CDCP1: variants seen among roughly 807,000 people sequenced by gnomAD.
The protein encoded by CDCP1 is CUB domain containing protein 1.
A neutral mutation model predicts 60.2 loss-of-function variants in CDCP1; 29 were observed. The ratio of observed to expected loss-of-function variants is 0.48; its 90% CI spans 0.36 to 0.66. CDCP1 has a LOEUF of 0.66. Ranked by LOEUF, CDCP1 falls within the 30% of genes least tolerant of loss-of-function variation. The pLI is 0.00. For missense variants in CDCP1, 876 were observed against 1,074.3 expected, an observed-to-expected ratio of 0.82 and a Z score of 2.58; for synonymous variants, 387 against 431.1, an observed-to-expected ratio of 0.90 and a Z score of 1.27.
intron 4 of CDCP1, among the ~76,000 whole-genome samples, chr3:45,096,759 C>T (rs767950708): frequency 2.0e-5 from 3 of 150,104 alleles, no homozygotes; most frequent in Non-Finnish European, 4.4e-5. Context: ...AACAAAATAG[C>T]TATTTATATA....
At chr3:45,098,094 G>A (rs766071503) in intron 4 of CDCP1, among the ~76,000 whole-genome samples, 1 of 151,684 alleles carries the variant, frequency 6.6e-6, no homozygotes, top group Non-Finnish European at 1.5e-5. Flanking sequence ...CCAAGGCCCC[G>A]CCACACACTG....
At position 45,084,965 on chromosome 3, in the gene CDCP1, C is replaced by T. The variant is rs1017077438; in HGVS notation, c.*673G>A. The T allele has an allele frequency of 6.6e-6, 1 of 152,630 alleles. No homozygotes were observed. Among genetic ancestry groups the T allele is most frequent in the African/African-American group, 2.4e-5 (1 of 41,456 alleles). The allele number at this position is 152,630 out of a possible 1,614,324, so 9.5% of individuals were successfully genotyped here. A position where few individuals can be genotyped will look rare whatever the true frequency, so the allele number is the denominator to read the frequency against. On this transcript the variant is annotated 3_prime_UTR_variant, in exon 9 of 9. Coordinates refer to ENST00000296129, the MANE Select transcript of CDCP1 (RefSeq NM_022842.5). The stretch of plus-strand genomic sequence containing the variant: ...GAACCGACCTAGAGAATCAGGAAGT[C>T]TCTTATCAAAGCAGATATGTGTCAA...
chr3:45,138,057 G>A (rs899415268), intron 1 of CDCP1, among the ~76,000 whole-genome samples: 1 of 152,188 alleles, frequency 6.6e-6, no homozygotes, highest in African/African-American at 2.4e-5. Flanking sequence ...GAAGATAGCT[G>A]CAATCCCCAG....
chr3:45,099,896 G>C (rs972302182), intron 4 of CDCP1, among the ~76,000 whole-genome samples: 4 of 152,076 alleles, frequency 2.6e-5, no homozygotes, highest in African/African-American at 9.7e-5. Context: ...TGAGAGTCTT[G>C]ATAGCTGATT....
chr3:45,138,040 C>G (rs76896245), intron 1 of CDCP1, among the ~76,000 whole-genome samples: 3,042 of 152,244 alleles, frequency 0.02, 93 homozygotes, highest in African/African-American at 0.067. Context: ...TAATAACACC[C>G]GGTCATGAAG....
In CDCP1 at chr3:45,089,106, C is replaced by A; in HGVS notation, c.2029G>T (p.Gly677Ter). ...TVILIAAVGG[G>*]VLLLSALGLI... ...CCGAGGGCAGACAGCAGTAAGACTC[C>A]ACCTCCCACCGCTGCGATGAGGATG... Residue 677 changes from glycine to a stop codon, truncating the protein, a stop_gained, in exon 8 of 9, where the codon GGA becomes TGA. Coordinates refer to ENST00000296129, the MANE Select transcript of CDCP1 (RefSeq NM_022842.5). LOFTEE classifies it high-confidence loss of function. 1 of 1,614,102 alleles carries A rather than the reference C, an allele frequency of 6.2e-7. No individual in the cohort carries two copies. Among genetic ancestry groups the A allele is most frequent in the Non-Finnish European group, 8.5e-7 (1 of 1,179,998 alleles).
chr3:45,116,239 T>TAAAA (rs59177609), intron 2 of CDCP1, among the ~76,000 whole-genome samples: 2 of 144,490 alleles, frequency 1.4e-5, no homozygotes, highest in East Asian at 2.0e-4. Context: ...ACTGTTCTGT[T>TAAAA]AAAAAAAAAA....
At chr3:45,132,475 C>T (rs896949628) in intron 1 of CDCP1, among the ~76,000 whole-genome samples, 2 of 152,170 alleles carry the variant, frequency 1.3e-5, no homozygotes, top group African/African-American at 4.8e-5. Flanking sequence ...CAGCCTGCAG[C>T]TTTGAAAATC....
At chr3:45,110,992 G>A in intron 3 of CDCP1, 151 bp from the exon 4 acceptor site, 2 of 885,238 alleles carry the variant, frequency 2.3e-6, no homozygotes, top group Non-Finnish European at 3.4e-6. Flanking sequence ...TGGACTCAAG[G>A]CAGAGATTGG....
intron 1 of CDCP1, among the ~76,000 whole-genome samples, chr3:45,119,492 G>T (rs1310310585): frequency 6.6e-6 from 1 of 152,176 alleles, no homozygotes; most frequent in Non-Finnish European, 1.5e-5. Flanking sequence ...GCAGATGATG[G>T]GAAGATCGTC....
chr3:45,122,229 C>T (rs545387944), intron 1 of CDCP1, among the ~76,000 whole-genome samples: 7 of 151,450 alleles, frequency 4.6e-5, no homozygotes, highest in East Asian at 1.9e-4. Flanking sequence ...CTGCAACCTC[C>T]GCCTCCTGGG....
intron 7 of CDCP1, among the ~76,000 whole-genome samples, chr3:45,089,492 G>A (rs2125989221): frequency 6.6e-6 from 1 of 152,200 alleles, no homozygotes; most frequent in East Asian, 1.9e-4. Context: ...GATTCCACCG[G>A]GGAAAAAAAT....
chr3:45,096,854 G>A (rs2372859), intron 4 of CDCP1, among the ~76,000 whole-genome samples: 103,235 of 151,856 alleles, frequency 0.68, 36,024 homozygotes, highest in East Asian at 0.95. Context: ...CCAGAGGAGG[G>A]GCCTGGGAGT....
At chr3:45,133,642 C>T (rs1432127211) in intron 1 of CDCP1, among the ~76,000 whole-genome samples, 1 of 27,924 alleles carries the variant, frequency 3.6e-5, no homozygotes, top group Admixed American at 4.1e-4. Flanking sequence ...GGCGTGAACC[C>T]GGGAGGCGGA....
rs761287588 is a variant in CDCP1 at position 45,085,925 on chromosome 3, C to T, written c.2224G>A (p.Val742Ile). The change falls in exon 9 of 9, where the codon GTA becomes ATA. Residue 742 changes from valine to isoleucine, a missense_variant. Coordinates refer to ENST00000296129, the MANE Select transcript of CDCP1 (RefSeq NM_022842.5). The surrounding 1 kb of genome is among the most constrained non-coding windows in gnomAD (Gnocchi z 4.2). The part of the protein sequence containing the change: ...HVYAVIEDTM[V>I]YGHLLQDSSG... ...GAATCCTGTAGCAGATGCCCATATACCATGGTGTCCTCGATGACTGCATAC... is the reference window on the plus strand; with the variant it reads ...GAATCCTGTAGCAGATGCCCATATATCATGGTGTCCTCGATGACTGCATAC... 2.5e-6 allele frequency: 4 copies of T among 1,614,088 alleles called. No homozygotes were observed. In the African/African-American group the frequency reaches 4.0e-5, roughly 16 times the overall value.
At chr3:45,136,273 G>A (rs1388817353) in intron 1 of CDCP1, among the ~76,000 whole-genome samples, 2 of 152,132 alleles carry the variant, frequency 1.3e-5, no homozygotes, top group Non-Finnish European at 1.5e-5. Context: ...AAAAGCAGAT[G>A]GTTCTTCCTG....
chr3:45,089,965 C>G (rs922668714), intron 7 of CDCP1, among the ~76,000 whole-genome samples: 1 of 152,084 alleles, frequency 6.6e-6, no homozygotes, highest in Non-Finnish European at 1.5e-5. Flanking sequence ...AGAGGGGGAA[C>G]CCTGTACCAA....
chr3:45,139,055 C>T (rs1699239079), intron 1 of CDCP1, among the ~76,000 whole-genome samples: 1 of 152,020 alleles, frequency 6.6e-6, no homozygotes, highest in South Asian at 2.1e-4. Flanking sequence ...TCTTGCTGGG[C>T]TCTTTTTAAC....
intron 4 of CDCP1, among the ~76,000 whole-genome samples, chr3:45,099,639 G>T (rs539986736): frequency 1.3e-5 from 2 of 152,094 alleles, no homozygotes; most frequent in South Asian, 4.2e-4. Context: ...CTCCTTGACT[G>T]GTCCTTGAGT....
Sources: allele counts gnomAD v4.1 joint callset (sites outside exome capture counted in the v4.1 genomes callset), GRCh38; gene constraint gnomAD v4.1.1; non-coding constraint Gnocchi (gnomAD v3.1); transcripts MANE v1.5; gene names NCBI Gene and HGNC (gene_info 2026-07-23, HGNC 2026-07-21).